The following MYO16 variants were observed in gnomAD, a reference collection of about 807,000 sequenced individuals.
The protein encoded by MYO16 is myosin XVI, also known as unconventional myosin-XVI.
A neutral mutation model predicts 205.3 loss-of-function variants in MYO16; 94 were observed. The observed-to-expected ratio is 0.46, with a 90% CI of 0.39 to 0.54. MYO16 has a LOEUF of 0.54. Among genes scored for constraint, MYO16 ranks in the 20% least tolerant of loss-of-function variants. The pLI is 0.00. For synonymous variants in MYO16, 988 were observed against 954.0 expected (o/e 1.04, Z -0.66); for missense variants, 2,315 against 2,387.5 (o/e 0.97, Z 0.63).
intron 16 of MYO16, among the ~76,000 whole-genome samples, chr13:108,913,731 T>A (rs1022619500): frequency 1.3e-5 from 2 of 152,224 alleles, no homozygotes; most frequent in African/African-American, 4.8e-5. Flanking sequence ...CTTCTGTATT[T>A]GAGTCCTTGT....
chr13:108,779,677 A>T (rs144945493), intron 4 of MYO16: 1 of 152,262 alleles, frequency 6.6e-6, no homozygotes, highest in African/African-American at 2.4e-5. Context: ...GAAACTTGCC[A>T]TTGGGCTGCT....
intron 9 of MYO16, among the ~76,000 whole-genome samples, chr13:108,843,073 A>C (rs1877329787): frequency 6.6e-6 from 1 of 151,960 alleles, no homozygotes; most frequent in Admixed American, 6.6e-5. Flanking sequence ...CAGAGAGTAG[A>C]ACCGTGGCTG....
intron 4 of MYO16, among the ~76,000 whole-genome samples, chr13:108,732,499 C>T (rs901391036): frequency 4.6e-5 from 7 of 152,028 alleles, no homozygotes; most frequent in African/African-American, 1.4e-4. Flanking sequence ...CCAGAGGGGA[C>T]GGTACATAGA....
chr13:109,009,087 A>G (rs1200886387), intron 22 of MYO16, 38 bp downstream of exon 22: 4 of 1,462,910 alleles, frequency 2.7e-6, no homozygotes, highest in Non-Finnish European at 2.7e-6. Context: ...AACAGGATAT[A>G]TGGGTTTAAA....
chr13:109,157,257 A>C (rs905957543), intron 32 of MYO16, among the ~76,000 whole-genome samples: 9 of 151,672 alleles, frequency 5.9e-5, no homozygotes, highest in Non-Finnish European at 1.3e-4. Context: ...AAAAAAAAAA[A>C]AAAAAAAAAA....
At chr13:108,676,259 G>A (rs1882197040) in intron 2 of MYO16, among the ~76,000 whole-genome samples, 1 of 152,064 alleles carries the variant, frequency 6.6e-6, no homozygotes, top group Non-Finnish European at 1.5e-5. Context: ...ATGAGAAACA[G>A]GAATTTGATA....
chr13:109,167,188 C>T (rs900582849), intron 33 of MYO16: 1 of 152,280 alleles, frequency 6.6e-6, no homozygotes, highest in African/African-American at 2.4e-5. Context: ...CCCCAGCACT[C>T]TGTCACGTTT....
intron 24 of MYO16, chr13:109,048,379 A>T (rs943785566): frequency 9.3e-6 from 7 of 748,672 alleles, no homozygotes; most frequent in Non-Finnish European, 7.4e-6. Flanking sequence ...TTTACAATGT[A>T]CCCTTTTGTA....
intron 29 of MYO16, 83 bp downstream of exon 29, chr13:109,120,549 C>A: frequency 9.8e-7 from 1 of 1,024,134 alleles, no homozygotes; most frequent in South Asian, 1.5e-5. Context: ...GTTTAAATGT[C>A]GATGGGGTCT....
chr13:108,856,414 G>A (rs2139103153), intron 11 of MYO16, among the ~76,000 whole-genome samples: 1 of 152,196 alleles, frequency 6.6e-6, no homozygotes, highest in South Asian at 2.1e-4. Flanking sequence ...ATTGTCAAAT[G>A]CTAATTAGCC....
intron 1 of MYO16, among the ~76,000 whole-genome samples, chr13:108,649,888 A>C (rs1249741478): frequency 2.0e-5 from 3 of 152,200 alleles, no homozygotes; most frequent in Non-Finnish European, 2.9e-5. Flanking sequence ...AATGTGTCTT[A>C]GAAATTAATA....
the MYO16 span, among the ~76,000 whole-genome samples, chr13:108,525,420 C>T: frequency 1.3e-5 from 2 of 152,096 alleles, no homozygotes; most frequent in African/African-American, 2.4e-5. Context: ...TCACAGTCCT[C>T]GAGCCATGTG....
chr13:108,654,967 C>T (rs970119148), intron 1 of MYO16, among the ~76,000 whole-genome samples: 3 of 152,156 alleles, frequency 2.0e-5, no homozygotes, highest in African/African-American at 7.2e-5. Context: ...TAAAAGCATT[C>T]CATTTTAAAA....
chr13:108,497,430 C>T, the MYO16 span, among the ~76,000 whole-genome samples: 1 of 152,104 alleles, frequency 6.6e-6, no homozygotes, highest in African/African-American at 2.4e-5. Context: ...CTTTTGTAAG[C>T]ATATGAGGTT....
chr13:109,070,828 G>A (rs1037035978), intron 27 of MYO16, among the ~76,000 whole-genome samples: 17 of 152,056 alleles, frequency 1.1e-4, no homozygotes, highest in African/African-American at 3.4e-4. Context: ...ATTTATACAC[G>A]GAAATATGTT....
At chr13:108,750,718 A>T (rs905106819) in intron 4 of MYO16, among the ~76,000 whole-genome samples, 1 of 151,856 alleles carries the variant, frequency 6.6e-6, no homozygotes, top group African/African-American at 2.4e-5. Flanking sequence ...GAGGCGGGGG[A>T]ATCGTTTGAA....
At chr13:108,729,295 C>T (rs1165778458) in intron 4 of MYO16, among the ~76,000 whole-genome samples, 1 of 152,088 alleles carries the variant, frequency 6.6e-6, no homozygotes, top group Non-Finnish European at 1.5e-5. Context: ...ACCAAATCGC[C>T]TTTCGAGTAA....
chr13:109,038,077 G>A (rs896529224), intron 23 of MYO16, among the ~76,000 whole-genome samples: 3 of 152,202 alleles, frequency 2.0e-5, no homozygotes, highest in African/African-American at 7.2e-5. Flanking sequence ...ACATATTTCT[G>A]TAGACAGTGA....
chr13:108,848,244 C>T (rs1877628415), intron 10 of MYO16, among the ~76,000 whole-genome samples: 1 of 152,198 alleles, frequency 6.6e-6, no homozygotes, highest in Non-Finnish European at 1.5e-5. Context: ...CTTCTACTCC[C>T]TGCCCGGATC....
Sources: allele counts gnomAD v4.1 joint callset (sites outside exome capture counted in the v4.1 genomes callset), GRCh38; gene constraint gnomAD v4.1.1; transcripts MANE v1.5; gene names NCBI Gene and HGNC (gene_info 2026-07-23, HGNC 2026-07-21).